Variants in FLT1 observed in about 807,000 individuals in gnomAD.
FLT1 encodes fms related receptor tyrosine kinase 1, also known as vascular endothelial growth factor receptor 1.
In FLT1, 49 loss-of-function variants were observed where a neutral mutation model predicts 156.3. That is an observed-to-expected ratio of 0.31 (90% CI 0.25 to 0.40). The LOEUF is 0.40. FLT1 is among the 10% of genes least tolerant of loss of function. The pLI, the probability that FLT1 is intolerant of heterozygous loss-of-function variation, is 1.00. For missense variants in FLT1, 1,322 were observed against 1,637.2 expected, an observed-to-expected ratio of 0.81 and a Z score of 3.32; for synonymous variants, 594 against 583.8, an observed-to-expected ratio of 1.02 and a Z score of -0.25.
At chr13:28,417,492 G>A (rs900824420) in intron 10 of FLT1, among the ~76,000 whole-genome samples, 3 of 152,126 alleles carry the variant, frequency 2.0e-5, no homozygotes, top group Admixed American at 1.3e-4. Context: ...CTCCCATGGA[G>A]ACTCAATACA....
rs114064157 is a variant in FLT1, at chr13:28,388,643, G to A, written c.1969+1153C>T. 4.7e-3 allele frequency: 4,948 copies of A among 1,056,090 alleles called. 182 individuals are homozygous for A. In the African/African-American group the frequency reaches 0.076, roughly 16 times the overall value. 65.4% of individuals were successfully genotyped at this position (1,056,090 alleles called of 1,614,324 possible). On this transcript the variant is annotated intron_variant, in intron 13 of 29. Transcript: ENST00000282397. ...TTAAATTACTTTGAATTCTGCTTCT[G>A]TAGTTTTGCCGCTTCTTAATCCCCA...
intron 11 of FLT1, among the ~76,000 whole-genome samples, chr13:28,405,118 C>T (rs1328469886): frequency 6.6e-6 from 1 of 152,026 alleles, no homozygotes; most frequent in East Asian, 1.9e-4. Context: ...AGGAAAAAGC[C>T]ACTAGGTCTG....
chr13:28,449,792 A>C (rs1878826098), intron 3 of FLT1, among the ~76,000 whole-genome samples: 1 of 152,226 alleles, frequency 6.6e-6, no homozygotes, highest in Non-Finnish European at 1.5e-5. Flanking sequence ...CTTTCCTCAG[A>C]AGAAAGACAT....
At chr13:28,320,153 G>C (rs1399886774) in intron 23 of FLT1, among the ~76,000 whole-genome samples, 1 of 152,104 alleles carries the variant, frequency 6.6e-6, no homozygotes, top group Non-Finnish European at 1.5e-5. Context: ...GGGATTGATG[G>C]GAGGTATGGG....
Position 28,416,321 on chromosome 13 carries a change from A to C in FLT1, c.1437-10427T>G, listed in dbSNP as rs767403036. Among the ~76,000 whole-genome samples the C allele has an allele frequency of 5.7e-4, 87 of 152,286 alleles. 1 individual carries two copies. Among genetic ancestry groups the C allele is most frequent in the Non-Finnish European group, 1.1e-3 (77 of 68,024 alleles). On this transcript the variant is annotated intron_variant, in intron 10 of 29. Coordinates refer to ENST00000282397, the MANE Select transcript of FLT1 (RefSeq NM_002019.4). ...TGATGTCACCACACTGGTTTTCAGG[A>C]TTGTGAGCTTTTGATGTCACCCTAC...
chr13:28,486,268 C>T (rs368066129), intron 1 of FLT1, among the ~76,000 whole-genome samples: 26 of 152,342 alleles, frequency 1.7e-4, no homozygotes, highest in African/African-American at 6.3e-4. Context: ...TGGTTTCACA[C>T]GATGGGAGGC....
chr13:28,306,052 A>G (rs1448915417), intron 29 of FLT1, among the ~76,000 whole-genome samples: 1 of 152,246 alleles, frequency 6.6e-6, no homozygotes, highest in Non-Finnish European at 1.5e-5. Flanking sequence ...AGCTTTTCCC[A>G]GTCCAGCACC....
chr13:28,476,015 T>C lies in FLT1; in HGVS notation c.65-8398A>G, dbSNP rs77419207. 3.7e-3 allele frequency among the ~76,000 whole-genome samples: 561 copies of C among 152,332 alleles called. 5 individuals carry two copies. Among genetic ancestry groups the C allele is most frequent in the African/African-American group, 0.013 (539 of 41,568 alleles). ...AAAGCATATTTTTTCAGTCCCACAG[T>C]TAGCAATGATACTAATTTTTAAAAT... On this transcript the variant is annotated intron_variant, in intron 1 of 29. Coordinates refer to ENST00000282397, the MANE Select transcript of FLT1 (RefSeq NM_002019.4).
At chr13:28,431,504 G>A (rs894963547) in intron 6 of FLT1, among the ~76,000 whole-genome samples, 194 bp from the exon 7 acceptor site, 3 of 152,174 alleles carry the variant, frequency 2.0e-5, no homozygotes, top group South Asian at 4.2e-4. Context: ...ATGTAGCATA[G>A]CAGGATTTAT....
At chr13:28,453,177 G>A (rs1027579186) in intron 3 of FLT1, among the ~76,000 whole-genome samples, 2 of 148,188 alleles carry the variant, frequency 1.3e-5, no homozygotes, top group African/African-American at 5.0e-5. Context: ...AGGCTGGAGT[G>A]CAATGCTGCC....
chr13:28,321,497 A>G lies in FLT1; in HGVS notation c.3140T>C (p.Ile1047Thr), dbSNP rs773836094. ...KICDFGLARD[I>T]YKNPDYVRKG... ...TCTCACATAATCGGGGTTCTTATAAATATCCCGGGCAAGGCCAAAATCACA... is the reference window on the plus strand; with the variant it reads ...TCTCACATAATCGGGGTTCTTATAAGTATCCCGGGCAAGGCCAAAATCACA... Residue 1047 changes from isoleucine to threonine, a missense_variant, in exon 23 of 30, where the codon ATT becomes ACT. By Grantham distance (89) the Ile-to-Thr change is moderately conservative (BLOSUM62 -1). This residue lies in a region of FLT1 where 329 missense variants were observed against 366.2 expected (regional missense o/e 0.90). Coordinates refer to ENST00000282397, the MANE Select transcript of FLT1 (RefSeq NM_002019.4). 1.2e-6 allele frequency: 2 copies of G among 1,614,170 alleles called. No homozygotes were observed. The highest frequency in any genetic ancestry group is 4.5e-5 in the East Asian group (2 of 44,884).
At position 28,303,370 on chromosome 13, in the gene FLT1, T is replaced by G; in HGVS notation, c.3816-2A>C. 1 of 1,612,888 alleles carries G rather than the reference T, an allele frequency of 6.2e-7. No individual in the cohort carries two copies. The highest frequency in any genetic ancestry group is 8.5e-7 in the Non-Finnish European group (1 of 1,179,350). On this transcript the variant is annotated splice_acceptor_variant, in intron 29 of 29. Transcript: ENST00000282397. LOFTEE classifies it high-confidence loss of function. The stretch of plus-strand genomic sequence containing the variant: ...TTACTTTTACTGGTTACTCTCAAGC[T>G]AAAGAAAGAAAGGAAAGAAATCAAA...
chr13:28,475,579 T>G (rs11838619), intron 1 of FLT1, among the ~76,000 whole-genome samples: 7,277 of 152,262 alleles, frequency 0.048, 555 homozygotes, highest in African/African-American at 0.16. Flanking sequence ...AGACTAAATC[T>G]CATAGAATCT....
intron 12 of FLT1, among the ~76,000 whole-genome samples, chr13:28,393,795 C>T (rs1874879268): frequency 6.6e-6 from 1 of 152,136 alleles, no homozygotes; most frequent in Non-Finnish European, 1.5e-5. Flanking sequence ...CCATGTTTCC[C>T]AGGCTGGTCT....
intron 25 of FLT1, among the ~76,000 whole-genome samples, chr13:28,315,382 C>T (rs1039932611): frequency 2.0e-4 from 31 of 152,262 alleles, no homozygotes; most frequent in African/African-American, 7.2e-4. Context: ...TGGAGAAACC[C>T]CATCTCTACA....
chr13:28,329,671 T>A lies in FLT1; in HGVS notation c.2651A>T (p.His884Leu). ...ALMTELKILT[H>L]IGHHLNVVNL... Reference sequence around the variant, plus strand: ...AACCACGTTCAGATGGTGGCCAATGTGGGTCAAGATTTTTAGCTCAGTCAT... The same window carrying A: ...AACCACGTTCAGATGGTGGCCAATGAGGGTCAAGATTTTTAGCTCAGTCAT... Residue 884 changes from histidine (H) to leucine (L), a missense_variant, in exon 19 of 30, where the codon CAC (histidine) becomes CTC (leucine). His to Leu is a moderately conservative substitution (Grantham distance 99). This residue lies in a region of FLT1 where 991 missense variants were observed against 1,254.8 expected (regional missense o/e 0.79). Transcript: ENST00000282397. 1 of 1,614,176 alleles carries A rather than the reference T, an allele frequency of 6.2e-7. No individual in the cohort carries two copies. Among genetic ancestry groups the A allele is most frequent in the East Asian group, 2.2e-5 (1 of 44,872 alleles).
chr13:28,319,653 G>T (rs1473263840), intron 23 of FLT1, 119 bp from the exon 24 acceptor site: 4 of 696,688 alleles, frequency 5.7e-6, no homozygotes, highest in Non-Finnish European at 7.9e-6. Flanking sequence ...TCCGAGAGCA[G>T]CTCTGGTTTC....
chr13:28,401,183 G>A (rs1249117944), intron 11 of FLT1, among the ~76,000 whole-genome samples: 1 of 152,120 alleles, frequency 6.6e-6, no homozygotes, highest in Non-Finnish European at 1.5e-5. Flanking sequence ...CCGAGATCAT[G>A]CCAAAATACA....
intron 29 of FLT1, 31 bp downstream of exon 29, chr13:28,306,647 A>G: frequency 6.7e-7 from 1 of 1,490,304 alleles, no homozygotes; most frequent in Non-Finnish European, 9.4e-7. Context: ...CCCTCCATCA[A>G]CTGATCACAG....
Sources: allele counts gnomAD v4.1 joint callset (sites outside exome capture counted in the v4.1 genomes callset), GRCh38; gene constraint gnomAD v4.1.1; regional missense constraint gnomAD v4.1.1; transcripts MANE v1.5; gene names NCBI Gene and HGNC (gene_info 2026-07-23, HGNC 2026-07-21).